The following RBFOX1 variants were observed in gnomAD, a reference collection of about 807,000 sequenced individuals.
RBFOX1 encodes the protein RNA binding fox-1 homolog 1.
A neutral mutation model predicts 57.7 loss-of-function variants in RBFOX1; 8 were observed. The ratio of observed to expected loss-of-function variants is 0.14; its 90% CI spans 0.08 to 0.25. The LOEUF (loss-of-function observed/expected upper bound fraction) is 0.25. Among genes scored for constraint, RBFOX1 ranks in the 10% least tolerant of loss-of-function variants. The pLI, the probability that RBFOX1 is intolerant of heterozygous loss-of-function variation, is 1.00. For synonymous variants in RBFOX1, 326 were observed against 222.4 expected, an observed-to-expected ratio of 1.47 and a Z score of -4.15; for missense variants, 611 against 548.5, an observed-to-expected ratio of 1.11 and a Z score of -1.14.
chr16:6,842,351 A>G (rs546332707), intron 3 of RBFOX1, among the ~76,000 whole-genome samples: 1 of 152,222 alleles, frequency 6.6e-6, no homozygotes, highest in African/African-American at 2.4e-5. Context: ...TGGAAAGACA[A>G]ATACTTTGTG....
At position 6,626,243 on chromosome 16, in the gene RBFOX1, C is replaced by G. The variant is rs372514371; in HGVS notation, c.-63-28360C>G. On this transcript the variant is annotated intron_variant, in intron 2 of 15. Coordinates refer to ENST00000550418, the MANE Select transcript of RBFOX1 (RefSeq NM_018723.4). ...ATGCCCTCTGATTTTGTGTCCTGTTCAACAAATGTTGCCCGGGTGTCCTTT... is the reference window on the plus strand; with the variant it reads ...ATGCCCTCTGATTTTGTGTCCTGTTGAACAAATGTTGCCCGGGTGTCCTTT... Among the ~76,000 whole-genome samples the G allele has an allele frequency of 8.6e-5, 13 of 150,410 alleles. No individual in the cohort carries two copies. The South Asian group carries it at 2.7e-3, about 31-fold the overall frequency.
intron 3 of RBFOX1, among the ~76,000 whole-genome samples, chr16:5,685,736 A>C (rs2050484575): frequency 6.6e-6 from 1 of 152,196 alleles, no homozygotes; most frequent in African/African-American, 2.4e-5. Flanking sequence ...TGCCTCCTTC[A>C]TGGGCTGACA....
intron 3 of RBFOX1, among the ~76,000 whole-genome samples, chr16:5,770,496 CATATAATTAAGGAGTTGTTA>C (rs2053941877): frequency 6.6e-6 from 1 of 152,180 alleles, no homozygotes; most frequent in Non-Finnish European, 1.5e-5. Flanking sequence ...CCTTGTTTAG[CATATAATTAAGGAGTTGTTA>C]TAAATAAAGC....
intron 2 of RBFOX1, among the ~76,000 whole-genome samples, chr16:6,487,902 C>G (rs1165400668): frequency 6.6e-6 from 1 of 151,568 alleles, no homozygotes; most frequent in Non-Finnish European, 1.5e-5. Flanking sequence ...AATTAGTAGT[C>G]AAAACCAGCC....
chr16:7,191,155 G>T (rs898272716), intron 4 of RBFOX1, among the ~76,000 whole-genome samples: 1 of 152,054 alleles, frequency 6.6e-6, no homozygotes, highest in African/African-American at 2.4e-5. Flanking sequence ...TTTATAGTTA[G>T]TGCTCTCTTC....
intron 2 of RBFOX1, among the ~76,000 whole-genome samples, chr16:5,484,982 C>A (rs1000084434): frequency 2.0e-5 from 3 of 151,866 alleles, no homozygotes; most frequent in Non-Finnish European, 4.4e-5. Context: ...TTGCTTGAGT[C>A]TAGGAGTTTG....
Position 5,454,859 on chromosome 16 carries a change from TTTCTTTCTTTC to T in RBFOX1, c.220-12354_220-12344del, listed in dbSNP as rs1380145494. ...TTCTTTCCTTTCTTTCTTTCTTTTCTTTCTTTCTTTCTTTCTTTCTTTCTTTCTTTCTTTCT... is the reference window on the plus strand; with the variant it reads ...TTCTTTCCTTTCTTTCTTTCTTTTCTTTTCTTTCTTTCTTTCTTTCTTTCT... On this transcript the variant is annotated intron_variant, in intron 1 of 2. Coordinates refer to the RBFOX1 transcript ENST00000585867. Among the ~76,000 whole-genome samples, 12 of 13,704 alleles carry T rather than the reference TTTCTTTCTTTC, an allele frequency of 8.8e-4. 1 individual carries two copies. The highest frequency in any genetic ancestry group is 2.3e-3 in the African/African-American group (10 of 4,436). The allele number at this position is 13,704 out of a possible 152,430, so 9.0% of individuals were successfully genotyped here.
intron 2 of RBFOX1, among the ~76,000 whole-genome samples, chr16:6,583,087 C>A (rs1421170617): frequency 6.6e-6 from 1 of 151,932 alleles, no homozygotes; most frequent in Non-Finnish European, 1.5e-5. Context: ...GTAAATTCTC[C>A]CCACAAGGAA....
At chr16:6,912,305 C>T (rs976167068) in intron 3 of RBFOX1, among the ~76,000 whole-genome samples, 1 of 152,152 alleles carries the variant, frequency 6.6e-6, no homozygotes, top group African/African-American at 2.4e-5. Flanking sequence ...GATTTTCTGA[C>T]TGAATAGCTC....
At chr16:5,800,310 C>A (rs1178195517) in intron 3 of RBFOX1, among the ~76,000 whole-genome samples, 1 of 152,156 alleles carries the variant, frequency 6.6e-6, no homozygotes, top group Non-Finnish European at 1.5e-5. Flanking sequence ...TTTCGTTACT[C>A]ATGCATAACC....
At chr16:7,097,713 A>G (rs565623891) in intron 4 of RBFOX1, among the ~76,000 whole-genome samples, 2 of 152,310 alleles carry the variant, frequency 1.3e-5, no homozygotes, top group East Asian at 1.9e-4. Context: ...AACTTGCACA[A>G]TGATTCCTTC....
chr16:6,787,455 A>C (rs1002207126), intron 3 of RBFOX1, among the ~76,000 whole-genome samples: 1 of 152,188 alleles, frequency 6.6e-6, no homozygotes, highest in Non-Finnish European at 1.5e-5. Context: ...CTGGTTATAC[A>C]GTTAGAGTGT....
chr16:6,571,627 C>A (rs1394824622), intron 2 of RBFOX1, among the ~76,000 whole-genome samples: 1 of 152,050 alleles, frequency 6.6e-6, no homozygotes, highest in Non-Finnish European at 1.5e-5. Context: ...GTAATCAGCT[C>A]ATTACAGAGA....
intron 3 of RBFOX1, among the ~76,000 whole-genome samples, chr16:6,857,672 C>A (rs1426961510): frequency 4.6e-5 from 7 of 152,168 alleles, no homozygotes; most frequent in Admixed American, 4.6e-4. Context: ...AACTTACTCT[C>A]TGTGATAGCA....
At chr16:6,825,495 T>C (rs921336264) in intron 3 of RBFOX1, among the ~76,000 whole-genome samples, 3 of 152,168 alleles carry the variant, frequency 2.0e-5, no homozygotes, top group African/African-American at 4.8e-5. Context: ...ACAAACAAGC[T>C]GAGAACACAA....
At chr16:7,508,860 ATC>A (rs1199122788) in intron 4 of RBFOX1, among the ~76,000 whole-genome samples, 1 of 152,198 alleles carries the variant, frequency 6.6e-6, no homozygotes, top group Non-Finnish European at 1.5e-5. Flanking sequence ...GTAGGGGAAG[ATC>A]TCTCTTTCCA....
chr16:6,262,446 A>G (rs1370078795), intron 1 of RBFOX1, among the ~76,000 whole-genome samples: 1 of 152,224 alleles, frequency 6.6e-6, no homozygotes, highest in South Asian at 2.1e-4. Context: ...TTAAGAAAAA[A>G]AGGAGAGATG....
chr16:7,161,517 C>T (rs769614538), intron 4 of RBFOX1, among the ~76,000 whole-genome samples: 1 of 152,042 alleles, frequency 6.6e-6, no homozygotes, highest in Non-Finnish European at 1.5e-5. Flanking sequence ...ATTTTTAATT[C>T]CTATTTTACA....
chr16:6,084,826 G>A (rs1310954458), intron 1 of RBFOX1, among the ~76,000 whole-genome samples: 1 of 152,154 alleles, frequency 6.6e-6, no homozygotes, highest in Admixed American at 6.5e-5. Flanking sequence ...GGGAGTCTGA[G>A]ACCCTGAGTG....
Sources: allele counts gnomAD v4.1 joint callset (sites outside exome capture counted in the v4.1 genomes callset), GRCh38; gene constraint gnomAD v4.1.1; transcripts MANE v1.5; gene names NCBI Gene and HGNC (gene_info 2026-07-23, HGNC 2026-07-21).